RHOJ: variants seen among roughly 807,000 people sequenced by gnomAD.
The protein encoded by RHOJ is rho-related GTP-binding protein RhoJ.
A neutral mutation model predicts 23.4 loss-of-function variants in RHOJ; 11 were observed. The observed-to-expected ratio is 0.47, with a 90% CI of 0.30 to 0.78. The LOEUF (loss-of-function observed/expected upper bound fraction) is 0.78, where lower values mean the gene tolerates loss of function less well. RHOJ is among the 30% of genes least tolerant of loss of function. The pLI is 0.08. For synonymous variants in RHOJ, 102 were observed against 102.7 expected (o/e 0.99, Z 0.04); for missense variants, 254 against 273.4 (o/e 0.93, Z 0.50).
At chr14:63,209,731 C>A (rs572460191) in intron 1 of RHOJ, among the ~76,000 whole-genome samples, 8 of 152,170 alleles carry the variant, frequency 5.3e-5, no homozygotes, top group Non-Finnish European at 1.2e-4. Flanking sequence ...ATTACTATGT[C>A]TTTGCAATCT....
At chr14:63,214,595 G>T (rs967278571) in intron 1 of RHOJ, among the ~76,000 whole-genome samples, 2 of 152,194 alleles carry the variant, frequency 1.3e-5, no homozygotes, top group Non-Finnish European at 2.9e-5. Flanking sequence ...TCTCAAAAAA[G>T]ATCTGTACCT....
intron 1 of RHOJ, among the ~76,000 whole-genome samples, chr14:63,207,351 CA>C (rs1894135892): frequency 6.6e-6 from 1 of 152,028 alleles, no homozygotes; most frequent in Admixed American, 6.5e-5. Context: ...TTTCTATAAG[CA>C]GAGGGATCTT....
chr14:63,253,056 A>G (rs1275789470), intron 1 of RHOJ, among the ~76,000 whole-genome samples: 1 of 152,222 alleles, frequency 6.6e-6, no homozygotes, highest in African/African-American at 2.4e-5. Context: ...GAATCTGTAT[A>G]GAAATTGTTT....
Position 63,291,090 on chromosome 14 carries a change from C to T in RHOJ, c.*66C>T, listed in dbSNP as rs781214344. Reference sequence around the variant, plus strand: ...ATGGCAGCCAATCTCTGTGGCCAAGCTCCAGCCAAAAAGGAGGGCACGACC... The same window carrying T: ...ATGGCAGCCAATCTCTGTGGCCAAGTTCCAGCCAAAAAGGAGGGCACGACC... On this transcript the variant is annotated 3_prime_UTR_variant, in exon 5 of 5. Transcript: ENST00000316754. The T allele has an allele frequency of 2.5e-5, 40 of 1,586,708 alleles. 1 individual carries two copies. The Middle Eastern group carries it at 1.2e-3, about 46-fold the overall frequency.
chr14:63,220,226 G>T (rs944272237), intron 1 of RHOJ, among the ~76,000 whole-genome samples: 2 of 151,944 alleles, frequency 1.3e-5, no homozygotes, highest in Non-Finnish European at 2.9e-5. Flanking sequence ...CAAGGACAAG[G>T]TTTTTTTAAT....
intron 1 of RHOJ, among the ~76,000 whole-genome samples, chr14:63,218,741 G>T (rs1216693560): frequency 6.6e-6 from 1 of 152,138 alleles, no homozygotes; most frequent in Non-Finnish European, 1.5e-5. Flanking sequence ...TCTGGACACA[G>T]GAAGAAATCT....
intron 1 of RHOJ, among the ~76,000 whole-genome samples, chr14:63,243,200 G>GT (rs761106370): frequency 3.1e-4 from 47 of 152,294 alleles, no homozygotes; most frequent in Middle Eastern, 6.8e-3. Flanking sequence ...GGGAAAACAA[G>GT]TATTTTTCCT....
chr14:63,256,812 G>T (rs908614541), intron 1 of RHOJ, among the ~76,000 whole-genome samples: 2 of 152,100 alleles, frequency 1.3e-5, no homozygotes, highest in Admixed American at 1.3e-4. Flanking sequence ...GGTGGCTCAC[G>T]CCTGTAGTCC....
At chr14:63,205,990 C>CT (rs1381469277) in intron 1 of RHOJ, among the ~76,000 whole-genome samples, 2 of 152,186 alleles carry the variant, frequency 1.3e-5, no homozygotes, top group African/African-American at 4.8e-5. Context: ...TATCAGAGAT[C>CT]TGAGACCTTG....
intron 1 of RHOJ, among the ~76,000 whole-genome samples, chr14:63,256,095 C>G (rs1236465513): frequency 6.6e-6 from 1 of 151,986 alleles, no homozygotes; most frequent in Non-Finnish European, 1.5e-5. Flanking sequence ...GCTAGTTGCC[C>G]AGGCTCTTCT....
chr14:63,283,342 C>T, intron 4 of RHOJ, 126 bp downstream of exon 4: 1 of 766,344 alleles, frequency 1.3e-6, no homozygotes, highest in Admixed American at 2.0e-5. Context: ...CTTCTCTAAG[C>T]TTTCTATTCT....
chr14:63,242,808 C>A (rs1228065331), intron 1 of RHOJ, among the ~76,000 whole-genome samples: 1 of 152,184 alleles, frequency 6.6e-6, no homozygotes, highest in Non-Finnish European at 1.5e-5. Flanking sequence ...CAGACCTATA[C>A]AACCAGTTAT....
rs1894072020 is a variant in RHOJ at position 63,204,877 on chromosome 14, G to C, written c.8G>C (p.Cys3Ser). ...GCAGCTGGAGCCGCAAGAATGAACT[G>C]CAAAGAGGGAACTGACAGCAGCTGC... MN[C>S]KEGTDSSCGC... Residue 3 changes from cysteine to serine, a missense_variant, in exon 1 of 5, where the codon TGC becomes TCC. Cys to Ser is a moderately radical substitution (Grantham distance 112). Coordinates refer to ENST00000316754, the MANE Select transcript of RHOJ (RefSeq NM_020663.5). The C allele has an allele frequency of 1.9e-6, 3 of 1,612,972 alleles. No homozygotes were observed. The highest frequency in any genetic ancestry group is 2.5e-6 in the Non-Finnish European group (3 of 1,179,506).
chr14:63,215,143 G>A (rs1482888882), intron 1 of RHOJ, among the ~76,000 whole-genome samples: 1 of 152,030 alleles, frequency 6.6e-6, no homozygotes, highest in East Asian at 1.9e-4. Flanking sequence ...CTAACATTTG[G>A]GGAAAAGGAA....
At chr14:63,239,098 CTGTT>C (rs138564749) in intron 1 of RHOJ, among the ~76,000 whole-genome samples, 4,182 of 151,816 alleles carry the variant, frequency 0.028, 172 homozygotes, top group African/African-American at 0.091. Context: ...GGTTTTTTTT[CTGTT>C]TGTTTGTTTG....
intron 1 of RHOJ, among the ~76,000 whole-genome samples, chr14:63,256,517 G>A (rs1295977412): frequency 6.6e-6 from 1 of 152,186 alleles, no homozygotes; most frequent in Non-Finnish European, 1.5e-5. Context: ...TGCTACTGCA[G>A]CTCACCCCAA....
At chr14:63,286,951 T>A (rs997156966) in intron 4 of RHOJ, among the ~76,000 whole-genome samples, 1 of 152,202 alleles carries the variant, frequency 6.6e-6, no homozygotes, top group African/African-American at 2.4e-5. Context: ...TTTTTCTTTT[T>A]CTTGGCTCTC....
At chr14:63,283,485 C>A (rs1034142553) in intron 4 of RHOJ, among the ~76,000 whole-genome samples, 2 of 152,170 alleles carry the variant, frequency 1.3e-5, no homozygotes, top group African/African-American at 4.8e-5. Context: ...GATTTAGCAA[C>A]CTCTAGAACA....
At chr14:63,232,027 C>A (rs1894705033) in intron 1 of RHOJ, among the ~76,000 whole-genome samples, 1 of 152,156 alleles carries the variant, frequency 6.6e-6, no homozygotes, top group African/African-American at 2.4e-5. Flanking sequence ...ATAAGGAGAG[C>A]AGACAGTCAT....
Sources: gnomAD v4.1 joint callset for allele counts (sites outside exome capture counted in the v4.1 genomes callset) on GRCh38, gnomAD v4.1.1 for gene constraint, MANE v1.5 for transcripts, NCBI Gene and HGNC (gene_info 2026-07-23, HGNC 2026-07-21) for gene names.